CLIP2: variants seen among roughly 807,000 people sequenced by gnomAD.
The protein encoded by CLIP2 is CAP-Gly domain-containing linker protein 2.
In CLIP2, 41 loss-of-function variants were observed where a neutral mutation model predicts 111.7. That is an observed-to-expected ratio of 0.37 (90% CI 0.29 to 0.48). The LOEUF (loss-of-function observed/expected upper bound fraction) is 0.48, where lower values mean the gene tolerates loss of function less well. Among genes scored for constraint, CLIP2 ranks in the 20% least tolerant of loss-of-function variants. The pLI is 0.99. For missense variants in CLIP2, 1,160 were observed against 1,422.1 expected (o/e 0.82, Z 2.96); for synonymous variants, 660 against 644.2 (o/e 1.02, Z -0.37).
chr7:74,327,266 C>G (rs782171273), intron 2 of CLIP2, among the ~76,000 whole-genome samples: 5 of 152,074 alleles, frequency 3.3e-5, no homozygotes, highest in Non-Finnish European at 7.4e-5. Context: ...CCACACTCAG[C>G]TAATTTTTGT....
chr7:74,318,366 A>G (rs1393445182), intron 2 of CLIP2, among the ~76,000 whole-genome samples: 2 of 152,036 alleles, frequency 1.3e-5, no homozygotes, highest in Non-Finnish European at 2.9e-5. Context: ...AACCAAGATG[A>G]GTATGATGGA....
intron 1 of CLIP2, among the ~76,000 whole-genome samples, chr7:74,316,923 CTG>C (rs2116500247): frequency 6.6e-6 from 1 of 152,174 alleles, no homozygotes; most frequent in Non-Finnish European, 1.5e-5. Context: ...AGGTTTTACT[CTG>C]TCACCCAGGC....
Position 74,310,814 on chromosome 7 carries a change from C to A in CLIP2, c.-67-6666C>A, listed in dbSNP as rs143469770. 9.0e-3 allele frequency among the ~76,000 whole-genome samples: 1,358 copies of A among 151,720 alleles called. 23 individuals are homozygous for A. The highest frequency in any genetic ancestry group is 0.031 in the African/African-American group (1,286 of 41,364). On this transcript the variant is annotated intron_variant, in intron 1 of 16. Coordinates refer to ENST00000223398, the MANE Select transcript of CLIP2 (RefSeq NM_003388.5). ...GCAACCTCTGCCTCCTGGGTTCAAG[C>A]GATTCTTGTGCCTCAGCCTTCCAGG...
In CLIP2 at chr7:74,353,898, G is replaced by A; in HGVS notation, c.697G>A (p.Gly233Ser). The change falls in exon 4 of 17, where the codon GGC becomes AGC. Residue 233 changes from glycine to serine, a missense_variant. Transcript: ENST00000223398. ...DRVLVGGTKT[G>S]VVRYVGETDF... ...CCGACAGGTTGGCGGGACGAAGACT[G>A]GCGTGGTGCGGTACGTGGGGGAGAC... The A allele has an allele frequency of 6.2e-7, 1 of 1,614,198 alleles. No individual in the cohort carries two copies. Among genetic ancestry groups the A allele is most frequent in the Non-Finnish European group, 8.5e-7 (1 of 1,180,028 alleles).
intron 7 of CLIP2, among the ~76,000 whole-genome samples, chr7:74,362,528 C>CTTTT (rs3044338): frequency 1.9e-3 from 234 of 121,886 alleles, no homozygotes; most frequent in East Asian, 2.6e-3. Context: ...TTTTTCTTTT[C>CTTTT]TTTTTTTTTT....
intron 13 of CLIP2, among the ~76,000 whole-genome samples, chr7:74,390,162 G>GAAA (rs1215571636): frequency 0.085 from 7,251 of 84,924 alleles, 392 homozygotes; most frequent in African/African-American, 0.12. Flanking sequence ...AAGAAAGAAA[G>GAAA]AAGAAAGAAA....
chr7:74,381,229 G>T (rs1161264680), intron 11 of CLIP2, among the ~76,000 whole-genome samples: 1 of 151,452 alleles, frequency 6.6e-6, no homozygotes, highest in East Asian at 1.9e-4. Flanking sequence ...TCGCTCTGTC[G>T]CCAGGCTGGA....
At chr7:74,319,690 G>C (rs1050268347) in intron 2 of CLIP2, among the ~76,000 whole-genome samples, 1 of 151,914 alleles carries the variant, frequency 6.6e-6, no homozygotes, top group Non-Finnish European at 1.5e-5. Context: ...GCATGGTAGT[G>C]TGTGCCTGTA....
At chr7:74,298,216 C>G (rs1372140422) in intron 1 of CLIP2, among the ~76,000 whole-genome samples, 1 of 151,900 alleles carries the variant, frequency 6.6e-6, no homozygotes. Flanking sequence ...GACACAGTTT[C>G]ACTCTGTTGC....
intron 7 of CLIP2, among the ~76,000 whole-genome samples, chr7:74,363,748 G>T (rs1554310217): frequency 1.3e-5 from 2 of 151,980 alleles, no homozygotes; most frequent in Admixed American, 1.3e-4. Context: ...TTTTATTGAG[G>T]TTGCATGCCC....
intron 6 of CLIP2, among the ~76,000 whole-genome samples, chr7:74,358,836 A>G (rs1450136845): frequency 6.6e-6 from 1 of 152,048 alleles, no homozygotes; most frequent in Non-Finnish European, 1.5e-5. Flanking sequence ...CTCTCAAAGC[A>G]CCGCGATTAT....
intron 2 of CLIP2, among the ~76,000 whole-genome samples, chr7:74,325,528 C>T (rs1789084184): frequency 6.6e-6 from 1 of 152,086 alleles, no homozygotes; most frequent in Admixed American, 6.6e-5. Flanking sequence ...GCAGAGGGAA[C>T]AGAGGCTGCA....
chr7:74,364,451 C>G (rs1554310388), intron 8 of CLIP2, 136 bp downstream of exon 8: 1 of 727,888 alleles, frequency 1.4e-6, no homozygotes, highest in African/African-American at 1.8e-5. Context: ...GGGGAAGGAT[C>G]AAAGGTCTGA....
chr7:74,374,645 G>A (rs1029662407), intron 9 of CLIP2, among the ~76,000 whole-genome samples: 4 of 151,982 alleles, frequency 2.6e-5, no homozygotes, highest in African/African-American at 7.2e-5. Context: ...CATTTGAACC[G>A]GGGAGGTGGA....
chr7:74,351,777 A>C (rs1790008157), intron 3 of CLIP2, among the ~76,000 whole-genome samples: 1 of 152,226 alleles, frequency 6.6e-6, no homozygotes, highest in South Asian at 2.1e-4. Context: ...CGGAGGTTTC[A>C]GTGAGCGGAG....
Position 74,349,755 on chromosome 7 carries a change from A to G in CLIP2, c.679-4125A>G, listed in dbSNP as rs951034138. On this transcript the variant is annotated intron_variant, in intron 3 of 16. Transcript: ENST00000223398. ...TAGCCTCCGGAGTACCTGGCATTACAGGCGTGCACCACCACGCCCCGCTAA... is the reference window on the plus strand; with the variant it reads ...TAGCCTCCGGAGTACCTGGCATTACGGGCGTGCACCACCACGCCCCGCTAA... Among the ~76,000 whole-genome samples, 9 of 151,154 alleles carry G rather than the reference A, an allele frequency of 6.0e-5. No individual in the cohort carries two copies. The South Asian group carries it at 1.9e-3, about 32-fold the overall frequency.
chr7:74,312,744 C>T (rs1476076706), intron 1 of CLIP2, among the ~76,000 whole-genome samples: 1 of 152,112 alleles, frequency 6.6e-6, no homozygotes, highest in Non-Finnish European at 1.5e-5. Flanking sequence ...CCCTGAGGGC[C>T]AGGGCTGGCA....
At chr7:74,369,243 C>G (rs1283523961) in intron 8 of CLIP2, among the ~76,000 whole-genome samples, 1 of 152,098 alleles carries the variant, frequency 6.6e-6, no homozygotes, top group African/African-American at 2.4e-5. Flanking sequence ...CCCAGCTACT[C>G]AGGAGGCTGA....
chr7:74,390,961 A>G (rs1420311819), intron 13 of CLIP2, among the ~76,000 whole-genome samples: 1 of 151,954 alleles, frequency 6.6e-6, no homozygotes, highest in Non-Finnish European at 1.5e-5. Context: ...AGGCAGGAGA[A>G]TCTCTTGAAC....
Sources: allele counts gnomAD v4.1 joint callset (sites outside exome capture counted in the v4.1 genomes callset), GRCh38; gene constraint gnomAD v4.1.1; transcripts MANE v1.5; gene names NCBI Gene and HGNC (gene_info 2026-07-23, HGNC 2026-07-21).